The following COMMD8 variants were observed in gnomAD, a reference collection of about 807,000 sequenced individuals.
The protein encoded by COMMD8 is COMM domain containing 8.
A neutral mutation model predicts 27.2 loss-of-function variants in COMMD8; 28 were observed. The ratio of observed to expected loss-of-function variants is 1.03; its 90% confidence interval spans 0.76 to 1.41. COMMD8 has a LOEUF of 1.41. Among genes scored for constraint, COMMD8 ranks in the 40% most tolerant of loss-of-function variants. The pLI is 0.00. For missense variants in COMMD8, 217 were observed against 211.2 expected, an observed-to-expected ratio of 1.03 and a Z score of -0.17; for synonymous variants, 79 against 75.5, an observed-to-expected ratio of 1.05 and a Z score of -0.24.
chr4:47,454,934 A>G (rs978673271), intron 3 of COMMD8, among the ~76,000 whole-genome samples: 1 of 152,112 alleles, frequency 6.6e-6, no homozygotes. Flanking sequence ...ATCAACACGA[A>G]TGAAGCTATA....
At chr4:47,456,099 T>C (rs1729877650) in intron 3 of COMMD8, among the ~76,000 whole-genome samples, 1 of 151,540 alleles carries the variant, frequency 6.6e-6, no homozygotes, top group African/African-American at 2.4e-5. Context: ...ATACAAAAAT[T>C]AGCCGGGCAT....
At chr4:47,460,438 A>G in intron 1 of COMMD8, 139 bp from the exon 2 acceptor site, 1 of 631,420 alleles carries the variant, frequency 1.6e-6, no homozygotes, top group Non-Finnish European at 2.6e-6. Flanking sequence ...AACCACTTTT[A>G]AGATTATTCT....
chr4:47,459,156 T>C (rs940632618), intron 2 of COMMD8, among the ~76,000 whole-genome samples: 3 of 152,114 alleles, frequency 2.0e-5, no homozygotes, highest in Non-Finnish European at 4.4e-5. Flanking sequence ...AAAGTAGATC[T>C]GTTAAATTTC....
intron 3 of COMMD8, among the ~76,000 whole-genome samples, chr4:47,456,104 G>C (rs1164824147): frequency 6.6e-6 from 1 of 151,684 alleles, no homozygotes; most frequent in Non-Finnish European, 1.5e-5. Flanking sequence ...AAAATTAGCC[G>C]GGCATGGGGG....
Position 47,460,196 on chromosome 4 carries a change from T to A in COMMD8, c.170A>T (p.Asp57Val). The A allele has an allele frequency of 6.2e-7, 1 of 1,613,706 alleles. No individual in the cohort carries two copies. The highest frequency in any genetic ancestry group is 1.1e-5 in the South Asian group (1 of 91,064). Residue 57 changes from aspartate (D) to valine (V), a missense_variant, in exon 2 of 5, where the codon GAT (aspartate) becomes GTT (valine). Coordinates refer to ENST00000381571, the MANE Select transcript of COMMD8 (RefSeq NM_017845.5). ...TATGGCTTTGAAAAATTTGGCAATA[T>A]CTTCTAAAACGTGCATCCATTCTTC... ...ESEEWMHVLEDIAKFFKAIVG... is the reference protein window; with the variant it reads ...ESEEWMHVLEVIAKFFKAIVG...
chr4:47,457,838 G>A (rs575431852), intron 2 of COMMD8, among the ~76,000 whole-genome samples: 34 of 133,494 alleles, frequency 2.5e-4, no homozygotes, highest in African/African-American at 7.2e-4. Flanking sequence ...TTATAGGGAG[G>A]AAAAGAAAAA....
Position 47,462,815 on chromosome 4 carries a change from A to T in COMMD8, c.66+771T>A, listed in dbSNP as rs1730094348. ...ACTTGCAAAAACAAAGAAAAGAATT[A>T]GGTGTTTTTTTTTCTTGACCCTGGC... is the stretch of plus-strand genomic sequence containing the variant. On this transcript the variant is annotated intron_variant, in intron 1 of 4. Coordinates refer to ENST00000381571, the MANE Select transcript of COMMD8 (RefSeq NM_017845.5). Among the ~76,000 whole-genome samples, 3 of 152,102 alleles carry T rather than the reference A, an allele frequency of 2.0e-5. No homozygotes were observed. The South Asian group carries it at 6.2e-4, about 32-fold the overall frequency.
intron 4 of COMMD8, among the ~76,000 whole-genome samples, chr4:47,452,642 T>C (rs900283648): frequency 1.3e-5 from 2 of 152,212 alleles, no homozygotes; most frequent in African/African-American, 4.8e-5. Flanking sequence ...TTAATTAACA[T>C]AAAACATCTG....
In COMMD8 at chr4:47,463,602, G is replaced by A. The variant is rs1367531578; in HGVS notation, c.50C>T (p.Ala17Val). 2.6e-6 allele frequency: 4 copies of A among 1,546,286 alleles called. No individual in the cohort carries two copies. In the Admixed American group the frequency reaches 7.9e-5, roughly 30 times the overall value. ...TPLWRLQKLP[A>V]ELGPQLLHKI... ...CGCCCTCACCTGCGGGCCCAGCTCG[G>A]CCGGCAGCTTCTGCAGCCGCCACAA... is the stretch of plus-strand genomic sequence containing the variant. Residue 17 changes from alanine (A) to valine (V), a missense_variant, in exon 1 of 5, where the codon GCC becomes GTC. By Grantham distance (64) the Ala-to-Val change is moderately conservative (BLOSUM62 0). Transcript: ENST00000381571.
chr4:47,463,228 G>GCT (rs1470214822), intron 1 of COMMD8, among the ~76,000 whole-genome samples: 5 of 152,194 alleles, frequency 3.3e-5, no homozygotes, highest in Non-Finnish European at 7.4e-5. Context: ...CCAGCACCTA[G>GCT]CTCTGTACCT....
At chr4:47,462,814 T>C (rs1267263210) in intron 1 of COMMD8, among the ~76,000 whole-genome samples, 1 of 152,074 alleles carries the variant, frequency 6.6e-6, no homozygotes, top group Non-Finnish European at 1.5e-5. Context: ...AGAAAAGAAT[T>C]AGGTGTTTTT....
In COMMD8 at chr4:47,453,118, T is replaced by C. The variant is rs200053687; in HGVS notation, c.472A>G (p.Ile158Val). The C allele has an allele frequency of 1.1e-4, 183 of 1,613,548 alleles. No individual in the cohort carries two copies. The highest frequency in any genetic ancestry group is 1.4e-4 in the Non-Finnish European group (165 of 1,179,568). Residue 158 changes from isoleucine (I) to valine (V), a missense_variant, in exon 4 of 5, where the codon ATT (isoleucine) becomes GTT (valine). Transcript: ENST00000381571. ...TGCAGCTCCTCTCTACTCATTTCAA[T>C]AGAATAAGGTTTTACTTCACCATTT... is the stretch of plus-strand genomic sequence containing the variant. ...KENGEVKPYS[I>V]EMSREELQNL...
At chr4:47,463,403 G>A (rs1379203145) in intron 1 of COMMD8, among the ~76,000 whole-genome samples, 183 bp downstream of exon 1, 2 of 152,222 alleles carry the variant, frequency 1.3e-5, no homozygotes, top group African/African-American at 2.4e-5. Context: ...TGGGGGTGGC[G>A]CCCCAAGCTG....
chr4:47,459,688 C>G (rs1262414135), intron 2 of COMMD8, among the ~76,000 whole-genome samples: 1 of 152,112 alleles, frequency 6.6e-6, no homozygotes, highest in Non-Finnish European at 1.5e-5. Context: ...TACACTGACA[C>G]ACCCCAAATA....
chr4:47,460,678 T>C (rs1730001507), intron 1 of COMMD8, among the ~76,000 whole-genome samples: 1 of 152,076 alleles, frequency 6.6e-6, no homozygotes, highest in Non-Finnish European at 1.5e-5. Context: ...TTTCACAACA[T>C]ACTTTTTTTT....
intron 4 of COMMD8, 113 bp downstream of exon 4, chr4:47,452,946 A>C: frequency 1.2e-6 from 1 of 847,926 alleles, no homozygotes; most frequent in South Asian, 2.0e-5. Context: ...CAGTGAGCCG[A>C]GTTCGCGCCG....
At chr4:47,460,904 A>T (rs540546635) in intron 1 of COMMD8, among the ~76,000 whole-genome samples, 5 of 152,324 alleles carry the variant, frequency 3.3e-5, no homozygotes, top group Admixed American at 2.0e-4. Flanking sequence ...TCAGCAACAG[A>T]AAGCCTAACA....
intron 4 of COMMD8, 60 bp from the exon 5 acceptor site, chr4:47,451,725 C>T: frequency 7.7e-7 from 1 of 1,301,800 alleles, no homozygotes; most frequent in Non-Finnish European, 1.1e-6. Flanking sequence ...TGATATATTC[C>T]ATATTAAATG....
At chr4:47,461,963 A>T (rs1183021467) in intron 1 of COMMD8, among the ~76,000 whole-genome samples, 1 of 152,162 alleles carries the variant, frequency 6.6e-6, no homozygotes, top group Admixed American at 6.5e-5. Flanking sequence ...TCCATCTTAA[A>T]AGGATGAGTA....
Sources: gnomAD v4.1 joint callset for allele counts (sites outside exome capture counted in the v4.1 genomes callset) on GRCh38, gnomAD v4.1.1 for gene constraint, MANE v1.5 for transcripts, NCBI Gene and HGNC (gene_info 2026-07-23, HGNC 2026-07-21) for gene names.